The following TMEM131 variants were observed in gnomAD, a reference collection of about 807,000 sequenced individuals.
TMEM131 encodes transmembrane protein 131.
In TMEM131, 66 loss-of-function variants were observed where a neutral mutation model predicts 211.6. The observed-to-expected ratio is 0.31, with a 90% CI of 0.26 to 0.38. The LOEUF (loss-of-function observed/expected upper bound fraction) is 0.38. TMEM131 is among the 10% of genes least tolerant of loss of function. The pLI is 1.00. For synonymous variants in TMEM131, 844 were observed against 841.3 expected (o/e 1.00, Z -0.06); for missense variants, 2,036 against 2,299.3 (o/e 0.89, Z 2.34).
intron 1 of TMEM131, among the ~76,000 whole-genome samples, chr2:97,977,415 A>G (rs1461565876): frequency 2.0e-5 from 3 of 152,250 alleles, no homozygotes; most frequent in Non-Finnish European, 1.5e-5. Flanking sequence ...AAGATGCTCA[A>G]CATCATTATT....
chr2:97,918,399 C>T (rs1676600915), intron 2 of TMEM131, among the ~76,000 whole-genome samples: 1 of 152,020 alleles, frequency 6.6e-6, no homozygotes, highest in Admixed American at 6.5e-5. Flanking sequence ...GAGACAAAGA[C>T]CAGATTACTG....
intron 13 of TMEM131, 83 bp downstream of exon 13, chr2:97,815,116 G>T: frequency 1.4e-6 from 1 of 703,600 alleles, no homozygotes; most frequent in Non-Finnish European, 2.1e-6. Flanking sequence ...AACGTGGCTA[G>T]TATTTCTGCA....
chr2:97,937,008 C>G (rs554594029), intron 1 of TMEM131, among the ~76,000 whole-genome samples: 64 of 152,186 alleles, frequency 4.2e-4, no homozygotes, highest in Non-Finnish European at 8.1e-4. Flanking sequence ...GAGCCCCTCC[C>G]ACTGCCCAGT....
In TMEM131 at chr2:97,811,243, T is replaced by C. The variant is rs760612559; in HGVS notation, c.1864-11A>G. 2 of 1,594,666 alleles carry C rather than the reference T, an allele frequency of 1.3e-6. No homozygotes were observed. The highest frequency in any genetic ancestry group is 1.7e-5 in the Admixed American group (1 of 59,970). On this transcript the variant is annotated splice_polypyrimidine_tract_variant and intron_variant, in intron 17 of 40. Coordinates refer to ENST00000186436, the MANE Select transcript of TMEM131 (RefSeq NM_015348.2). ...TGAAGCTAATGTTACCTGTAGATAG[T>C]AGAAATGGTATCATTCATTAGCCTT...
At chr2:97,892,052 T>C (rs1441764854) in intron 3 of TMEM131, among the ~76,000 whole-genome samples, 3 of 152,312 alleles carry the variant, frequency 2.0e-5, no homozygotes, top group Middle Eastern at 3.4e-3. Flanking sequence ...AAATAAACAG[T>C]GATTTAAATG....
intron 33 of TMEM131, among the ~76,000 whole-genome samples, chr2:97,772,073 C>T (rs1236762539): frequency 6.6e-6 from 1 of 152,156 alleles, no homozygotes; most frequent in Admixed American, 6.5e-5. Context: ...TGAGCTCTGC[C>T]CTCTGCATAT....
chr2:97,842,156 A>G (rs1177644179), intron 6 of TMEM131, among the ~76,000 whole-genome samples: 2 of 152,194 alleles, frequency 1.3e-5, no homozygotes, highest in African/African-American at 4.8e-5. Context: ...TTTCTTTAAT[A>G]TATTAGAAAT....
chr2:97,990,236 C>T (rs1680202492), intron 1 of TMEM131, among the ~76,000 whole-genome samples: 1 of 151,946 alleles, frequency 6.6e-6, no homozygotes, highest in Admixed American at 6.6e-5. Context: ...TTTTAAGAAC[C>T]TTCATGATCC....
intron 4 of TMEM131, among the ~76,000 whole-genome samples, chr2:97,864,571 T>C (rs114464457): frequency 0.012 from 1,819 of 152,322 alleles, 39 homozygotes; most frequent in African/African-American, 0.041. Context: ...CAGGGGCTAA[T>C]TTAGGTTCCT....
At chr2:97,864,088 G>A (rs1258320561) in intron 4 of TMEM131, among the ~76,000 whole-genome samples, 1 of 152,164 alleles carries the variant, frequency 6.6e-6, no homozygotes, top group East Asian at 1.9e-4. Flanking sequence ...CCTGGATGGA[G>A]CTAGAGAACA....
At chr2:97,809,250 G>A (rs1172626054) in intron 19 of TMEM131, among the ~76,000 whole-genome samples, 1 of 151,984 alleles carries the variant, frequency 6.6e-6, no homozygotes, top group Non-Finnish European at 1.5e-5. Flanking sequence ...TGCCAAACTG[G>A]ACAACTCACT....
intron 7 of TMEM131, among the ~76,000 whole-genome samples, chr2:97,838,019 A>G (rs1013087730): frequency 1.3e-5 from 2 of 152,176 alleles, no homozygotes; most frequent in Admixed American, 6.5e-5. Flanking sequence ...GCTCAATGCA[A>G]TTATTTTGAG....
intron 4 of TMEM131, among the ~76,000 whole-genome samples, chr2:97,879,838 T>C (rs1405981576): frequency 6.6e-6 from 1 of 151,552 alleles, no homozygotes; most frequent in East Asian, 1.9e-4. Flanking sequence ...CAGTAAGGCT[T>C]CTGGTCAAAA....
intron 18 of TMEM131, among the ~76,000 whole-genome samples, chr2:97,810,181 CTTTT>C (rs1005395003): frequency 3.3e-5 from 5 of 150,978 alleles, no homozygotes; most frequent in Admixed American, 3.3e-4. Context: ...AGTTATATAG[CTTTT>C]TTTTTGATAC....
At chr2:97,957,618 C>T (rs1186241001) in intron 1 of TMEM131, among the ~76,000 whole-genome samples, 1 of 151,930 alleles carries the variant, frequency 6.6e-6, no homozygotes, top group Non-Finnish European at 1.5e-5. Flanking sequence ...AAAAAAGAAA[C>T]AAGTTACCTC....
intron 11 of TMEM131, among the ~76,000 whole-genome samples, chr2:97,822,633 T>G (rs1682183362): frequency 6.6e-6 from 1 of 152,100 alleles, no homozygotes; most frequent in Non-Finnish European, 1.5e-5. Flanking sequence ...TTCGAGAATG[T>G]GTTGGTAAGG....
intron 1 of TMEM131, among the ~76,000 whole-genome samples, chr2:97,939,030 T>C (rs868857208): frequency 7.9e-5 from 12 of 152,216 alleles, no homozygotes; most frequent in South Asian, 2.1e-4. Flanking sequence ...TTTAAAGCAG[T>C]GTGTAGAGGG....
At chr2:97,923,732 T>C (rs954781758) in intron 2 of TMEM131, among the ~76,000 whole-genome samples, 2 of 151,938 alleles carry the variant, frequency 1.3e-5, no homozygotes, top group South Asian at 2.1e-4. Flanking sequence ...TATTTATTAT[T>C]CTGGCAGGAT....
intron 11 of TMEM131, among the ~76,000 whole-genome samples, chr2:97,825,427 T>C (rs1408579240): frequency 6.6e-6 from 1 of 152,208 alleles, no homozygotes. Flanking sequence ...TACTGGCTTA[T>C]CCTCACCCTA....
Sources: gnomAD v4.1 joint callset for allele counts (sites outside exome capture counted in the v4.1 genomes callset) on GRCh38, gnomAD v4.1.1 for gene constraint, MANE v1.5 for transcripts, NCBI Gene and HGNC (gene_info 2026-07-23, HGNC 2026-07-21) for gene names.